Variants in FAT3 observed in about 807,000 individuals in gnomAD.
The protein encoded by FAT3 is FAT atypical cadherin 3.
FAT3 carries 95 observed loss-of-function variants against 310.2 expected under a neutral mutation model. The ratio of observed to expected loss-of-function variants is 0.31; its 90% CI spans 0.26 to 0.36. The LOEUF is 0.36. FAT3 is among the 10% of genes least tolerant of loss of function. The pLI is 1.00. For synonymous variants in FAT3, 2,314 were observed against 2,192.9 expected, an observed-to-expected ratio of 1.06 and a Z score of -1.54; for missense variants, 5,408 against 5,715.6, an observed-to-expected ratio of 0.95 and a Z score of 1.74.
intron 1 of FAT3, among the ~76,000 whole-genome samples, chr11:92,275,242 A>G (rs1946237246): frequency 6.6e-6 from 1 of 151,964 alleles, no homozygotes; most frequent in Non-Finnish European, 1.5e-5. Flanking sequence ...GCCCTCTCCA[A>G]GACGTTTATC....
intron 1 of FAT3, among the ~76,000 whole-genome samples, chr11:92,307,811 G>C (rs1414026134): frequency 6.6e-6 from 1 of 152,118 alleles, no homozygotes; most frequent in East Asian, 1.9e-4. Context: ...TCCTCAGCTT[G>C]TGTCATTGCC....
chr11:92,582,111 C>T (rs143859504), intron 3 of FAT3, among the ~76,000 whole-genome samples: 65 of 151,960 alleles, frequency 4.3e-4, no homozygotes, highest in African/African-American at 1.5e-3. Context: ...CATCTGTTAA[C>T]GGTCATGGCA....
intron 1 of FAT3, among the ~76,000 whole-genome samples, chr11:92,226,289 C>T (rs1863905123): frequency 6.6e-6 from 1 of 152,198 alleles, no homozygotes; most frequent in South Asian, 2.1e-4. Flanking sequence ...ATTCCCTCCT[C>T]TCCTCTCTCG....
intron 2 of FAT3, among the ~76,000 whole-genome samples, chr11:92,412,734 T>TATATATATACATACAC (rs1565296392): frequency 8.4e-5 from 1 of 11,880 alleles, no homozygotes; most frequent in African/African-American, 1.7e-4. Context: ...TATATATATA[T>TATATATATACATACAC]ATATATATAT....
chr11:92,490,860 A>G (rs537355815), intron 2 of FAT3, among the ~76,000 whole-genome samples: 7 of 152,088 alleles, frequency 4.6e-5, no homozygotes, highest in Non-Finnish European at 8.8e-5. Flanking sequence ...ATTTCATTTA[A>G]TCCAGAAACC....
chr11:92,555,336 A>T (rs984338016), intron 3 of FAT3, among the ~76,000 whole-genome samples: 1 of 152,226 alleles, frequency 6.6e-6, no homozygotes, highest in Non-Finnish European at 1.5e-5. Context: ...GGTTAGTAGT[A>T]ATATTATGTA....
At chr11:92,775,629 C>T (rs924994946) in intron 7 of FAT3, among the ~76,000 whole-genome samples, 2 of 152,106 alleles carry the variant, frequency 1.3e-5, no homozygotes, top group African/African-American at 4.8e-5. Flanking sequence ...ATTCTCCTTC[C>T]CTTAACTGAC....
At chr11:92,357,058 C>T (rs1466750492) in intron 2 of FAT3, among the ~76,000 whole-genome samples, 1 of 151,982 alleles carries the variant, frequency 6.6e-6, no homozygotes, top group East Asian at 1.9e-4. Context: ...ATTATGTATT[C>T]CTTATAATTT....
intron 21 of FAT3, among the ~76,000 whole-genome samples, chr11:92,865,258 G>A (rs1181193160): frequency 6.6e-6 from 1 of 152,216 alleles, no homozygotes; most frequent in Non-Finnish European, 1.5e-5. Flanking sequence ...CTGAAGCATA[G>A]AGAAATACGT....
intron 4 of FAT3, among the ~76,000 whole-genome samples, chr11:92,733,963 C>G (rs1479659578): frequency 6.6e-6 from 1 of 152,176 alleles, no homozygotes; most frequent in Non-Finnish European, 1.5e-5. Flanking sequence ...AGTACACTTT[C>G]CTTTGCTGCA....
chr11:92,607,503 C>T (rs973899056), intron 3 of FAT3, among the ~76,000 whole-genome samples: 1 of 152,060 alleles, frequency 6.6e-6, no homozygotes, highest in African/African-American at 2.4e-5. Context: ...TCTGCCTTCC[C>T]TCACTGCTTT....
At chr11:92,890,302 C>A (rs1949887417) in intron 27 of FAT3, among the ~76,000 whole-genome samples, 189 bp from the exon 28 acceptor site, 2 of 152,224 alleles carry the variant, frequency 1.3e-5, no homozygotes, top group Non-Finnish European at 2.9e-5. Context: ...AGGCATCAAC[C>A]TGTCAGAGTT....
Position 92,354,709 on chromosome 11 carries a change from T to G in FAT3, c.2597T>G (p.Val866Gly), listed in dbSNP as rs1288865194. The change falls in exon 2 of 28, where the codon GTG becomes GGG. Residue 866 changes from valine to glycine, a missense_variant. Transcript: ENST00000525166. ...AAAGACTTAGGTTCTAATGGTGAAGTGACTTACTCAGTCTTGACAGATACA... is the reference window on the plus strand; with the variant it reads ...AAAGACTTAGGTTCTAATGGTGAAGGGACTTACTCAGTCTTGACAGATACA... ...RDKDLGSNGE[V>G]TYSVLTDTQQ... 1 of 1,613,942 alleles carries G rather than the reference T, an allele frequency of 6.2e-7. No homozygotes were observed. Among genetic ancestry groups the G allele is most frequent in the Non-Finnish European group, 8.5e-7 (1 of 1,179,882 alleles).
intron 2 of FAT3, among the ~76,000 whole-genome samples, chr11:92,407,823 G>A (rs779676500): frequency 3.3e-5 from 5 of 152,088 alleles, no homozygotes; most frequent in Non-Finnish European, 7.4e-5. Flanking sequence ...AAATTATGAT[G>A]AGCCTCCTGC....
intron 3 of FAT3, among the ~76,000 whole-genome samples, chr11:92,563,360 G>T (rs1955303198): frequency 6.6e-6 from 1 of 152,158 alleles, no homozygotes; most frequent in Non-Finnish European, 1.5e-5. Flanking sequence ...TTTTGATCAT[G>T]TACTCTTATA....
Position 92,799,022 on chromosome 11 carries a change from T to G in FAT3, c.6009T>G (p.Ile2003Met). The change falls in exon 10 of 28, where the codon ATT becomes ATG. Residue 2003 changes from isoleucine (I) to methionine (M), a missense_variant. By Grantham distance (10) the Ile-to-Met change is conservative. Around this residue, in one of 5 missense-constraint regions of FAT3, gnomAD observed 4,588 missense variants for 4,809.8 expected, o/e 0.95. Transcript: ENST00000525166. ...ENNTNITKVA[I>M]VNAVGNRLNE... Reference sequence around the variant, plus strand: ...ACACTAACATAACCAAAGTTGCTATTGTCAATGCAGTTGGAAATCGCCTTA... The same window carrying G: ...ACACTAACATAACCAAAGTTGCTATGGTCAATGCAGTTGGAAATCGCCTTA... 1 of 1,613,946 alleles carries G rather than the reference T, an allele frequency of 6.2e-7. No homozygotes were observed. Among genetic ancestry groups the G allele is most frequent in the Non-Finnish European group, 8.5e-7 (1 of 1,179,870 alleles).
chr11:92,709,489 CCT>C (rs1379373266), intron 4 of FAT3, among the ~76,000 whole-genome samples: 1 of 152,196 alleles, frequency 6.6e-6, no homozygotes, highest in African/African-American at 2.4e-5. Flanking sequence ...GATTTCTAAT[CCT>C]CTGTCTTCCT....
intron 2 of FAT3, among the ~76,000 whole-genome samples, chr11:92,390,876 T>C (rs1193411086): frequency 6.6e-6 from 1 of 152,114 alleles, no homozygotes; most frequent in African/African-American, 2.4e-5. Flanking sequence ...GTTGAACAAG[T>C]GCTTCTTCAA....
chr11:92,520,472 A>G (rs1403995836), intron 2 of FAT3, among the ~76,000 whole-genome samples: 1 of 152,068 alleles, frequency 6.6e-6, no homozygotes, highest in African/African-American at 2.4e-5. Flanking sequence ...TGGACAGGTT[A>G]TTGTATTCCA....
Sources: gnomAD v4.1 joint callset for allele counts (sites outside exome capture counted in the v4.1 genomes callset) on GRCh38, gnomAD v4.1.1 for gene constraint, gnomAD v4.1.1 regional missense constraint, MANE v1.5 for transcripts, NCBI Gene and HGNC (gene_info 2026-07-23, HGNC 2026-07-21) for gene names.